Variants in IL1RAPL1 observed in about 807,000 individuals in gnomAD.
The protein encoded by IL1RAPL1 is interleukin 1 receptor accessory protein like 1.
A neutral mutation model predicts 48.4 loss-of-function variants in IL1RAPL1; 3 were observed. That is an observed-to-expected ratio of 0.06 (90% CI 0.03 to 0.16). The LOEUF is 0.16. Ranked by LOEUF, IL1RAPL1 falls within the 10% of genes least tolerant of loss-of-function variation. IL1RAPL1 has a pLI of 1.00. For synonymous variants in IL1RAPL1, 185 were observed against 187.7 expected (o/e 0.99, Z 0.12); for missense variants, 349 against 530.6 (o/e 0.66, Z 3.36).
At chrX:29,910,277 T>C (rs191749279) in intron 6 of IL1RAPL1, among the ~76,000 whole-genome samples, 1 of 110,629 alleles carries the variant, frequency 9.0e-6, no homozygotes, top group African/African-American at 3.3e-5. Context: ...ACCTACCAGA[T>C]ACCATGCTTA....
intron 6 of IL1RAPL1, among the ~76,000 whole-genome samples, chrX:29,736,821 GATT>G (rs1366393914): frequency 8.9e-6 from 1 of 112,266 alleles, no homozygotes; most frequent in Non-Finnish European, 1.9e-5. Context: ...TAAGTAGACT[GATT>G]ATTATATTAT....
At chrX:29,315,416 A>G in intron 3 of IL1RAPL1, among the ~76,000 whole-genome samples, 1 of 111,853 alleles carries the variant, frequency 8.9e-6, no homozygotes, top group South Asian at 3.8e-4. Flanking sequence ...CCAGAAAAAC[A>G]TGGAAAGACT....
intron 5 of IL1RAPL1, among the ~76,000 whole-genome samples, chrX:29,547,449 A>AT (rs1921661138): frequency 9.0e-6 from 1 of 111,307 alleles, no homozygotes; most frequent in Non-Finnish European, 1.9e-5. Flanking sequence ...AGAATAACTA[A>AT]TTTTTCAAAA....
chrX:29,052,013 C>G (rs779305025), intron 2 of IL1RAPL1, among the ~76,000 whole-genome samples: 2 of 111,956 alleles, frequency 1.8e-5, no homozygotes, highest in East Asian at 5.6e-4. Flanking sequence ...GAGTGAGACT[C>G]TATGGACACC....
At chrX:28,594,672 C>T (rs1467863942) in intron 1 of IL1RAPL1, among the ~76,000 whole-genome samples, 1 of 111,995 alleles carries the variant, frequency 8.9e-6, no homozygotes, top group Non-Finnish European at 1.9e-5. Flanking sequence ...TCCTGGCATA[C>T]AGCATTATTT....
intron 3 of IL1RAPL1, among the ~76,000 whole-genome samples, chrX:29,344,625 A>C (rs1022506500): frequency 9.0e-6 from 1 of 110,978 alleles, no homozygotes; most frequent in Non-Finnish European, 1.9e-5. Flanking sequence ...AGAGGTAACC[A>C]TGTTTTTTTT....
chrX:29,526,168 G>A (rs1935550545), intron 5 of IL1RAPL1, among the ~76,000 whole-genome samples: 3 of 111,805 alleles, frequency 2.7e-5, no homozygotes, highest in Non-Finnish European at 5.6e-5. Context: ...ATAATTAGGA[G>A]TCCGTTGAAC....
intron 1 of IL1RAPL1, among the ~76,000 whole-genome samples, chrX:28,711,050 G>A (rs1329994215): frequency 1.8e-5 from 2 of 111,894 alleles, no homozygotes; most frequent in African/African-American, 6.5e-5. Flanking sequence ...GGTGTGTTGA[G>A]AAATGCCCAA....
rs1241237232 is a variant in IL1RAPL1, at chrX:28,587,754, A to G, written c.-318A>G. 1.3e-4 allele frequency: 9 copies of G among 67,775 alleles called. No individual in the cohort carries two copies. The highest frequency in any genetic ancestry group is 6.9e-4 in the Admixed American group (4 of 5,794). 5.6% of individuals were successfully genotyped at this position (67,775 alleles called of 1,213,427 possible). A position where few individuals can be genotyped will look rare whatever the true frequency, so the allele number is the denominator to read the frequency against. On this transcript the variant is annotated 5_prime_UTR_variant, in exon 1 of 11. Transcript: ENST00000378993. ...CTATCTGCCTCTTCATTTTTCTCCT[A>G]GTCTGTTTTTTTTTTTCCTGCTCTG... is the stretch of plus-strand genomic sequence containing the variant.
Position 28,790,718 on chromosome X carries a change from A to G in IL1RAPL1, c.82+1293A>G, listed in dbSNP as rs749859769. 3.6e-5 allele frequency among the ~76,000 whole-genome samples: 4 copies of G among 112,532 alleles called. No homozygotes were observed. In the South Asian group the frequency reaches 1.5e-3, roughly 41 times the overall value. On this transcript the variant is annotated intron_variant, in intron 2 of 10. Coordinates refer to ENST00000378993, the MANE Select transcript of IL1RAPL1 (RefSeq NM_014271.4). ...CTCTTCTTCTCAGTGGATCTTCTGAATGAGATAAAACCCTAGGGCAGGATT... is the reference window on the plus strand; with the variant it reads ...CTCTTCTTCTCAGTGGATCTTCTGAGTGAGATAAAACCCTAGGGCAGGATT...
intron 1 of IL1RAPL1, among the ~76,000 whole-genome samples, chrX:28,623,126 T>C (rs1934301999): frequency 9.0e-6 from 1 of 111,039 alleles, no homozygotes; most frequent in African/African-American, 3.3e-5. Context: ...TCTCTCTATA[T>C]ATACCTTTGC....
chrX:28,854,351 C>T (rs1299760212), intron 2 of IL1RAPL1, among the ~76,000 whole-genome samples: 1 of 111,123 alleles, frequency 9.0e-6, no homozygotes, highest in African/African-American at 3.3e-5. Flanking sequence ...AATTGGACTT[C>T]AGGATGAAGG....
rs759332475 is a variant in IL1RAPL1 at position 29,182,868 on chromosome X, G to A, written c.83-100070G>A. Reference sequence around the variant, plus strand: ...CCAGGTGGACTCAGTGTATTCACAGGGTCTTTATAAGAGGGAGGCAGGAGA... The same window carrying A: ...CCAGGTGGACTCAGTGTATTCACAGAGTCTTTATAAGAGGGAGGCAGGAGA... On this transcript the variant is annotated intron_variant, in intron 2 of 10. Transcript: ENST00000378993. 6.3e-5 allele frequency among the ~76,000 whole-genome samples: 7 copies of A among 111,223 alleles called. No individual in the cohort carries two copies. The South Asian group carries it at 2.3e-3, about 36-fold the overall frequency.
rs1428452185 is a variant in IL1RAPL1 at position 29,556,760 on chromosome X, G to A, written c.704-111670G>A. Among the ~76,000 whole-genome samples the A allele has an allele frequency of 8.1e-5, 9 of 111,724 alleles. No homozygotes were observed. In the East Asian group the frequency reaches 2.5e-3, roughly 31 times the overall value. Reference sequence around the variant, plus strand: ...AAAGTGTAATAGGTTTGAGAAAAATGGCTTAATTTAAAATATGTATTTTCT... The same window carrying A: ...AAAGTGTAATAGGTTTGAGAAAAATAGCTTAATTTAAAATATGTATTTTCT... On this transcript the variant is annotated intron_variant, in intron 5 of 10. Transcript: ENST00000378993.
At chrX:29,015,366 A>G (rs938816246) in intron 2 of IL1RAPL1, among the ~76,000 whole-genome samples, 4 of 111,597 alleles carry the variant, frequency 3.6e-5, no homozygotes, top group African/African-American at 1.3e-4. Context: ...CATATTGGCC[A>G]TATTACTCTG....
intron 5 of IL1RAPL1, among the ~76,000 whole-genome samples, chrX:29,408,039 C>G (rs180794359): frequency 8.9e-6 from 1 of 111,865 alleles, no homozygotes; most frequent in East Asian, 2.8e-4. Flanking sequence ...CACATCCAGA[C>G]TACACTATAA....
chrX:29,828,904 A>T (rs1016133097), intron 6 of IL1RAPL1, among the ~76,000 whole-genome samples: 14 of 109,346 alleles, frequency 1.3e-4, no homozygotes, highest in Non-Finnish European at 2.7e-4. Flanking sequence ...CGGGGGGAAA[A>T]AAAGAGGAGG....
intron 2 of IL1RAPL1, among the ~76,000 whole-genome samples, chrX:29,008,844 C>T (rs769765034): frequency 9.0e-6 from 1 of 110,705 alleles, no homozygotes; most frequent in South Asian, 3.9e-4. Flanking sequence ...ACAATAGTCC[C>T]CAGTTTCTAT....
chrX:29,775,007 G>T, intron 6 of IL1RAPL1, among the ~76,000 whole-genome samples: 1 of 111,986 alleles, frequency 8.9e-6, no homozygotes, highest in African/African-American at 3.2e-5. Flanking sequence ...AAACAGAATT[G>T]CTGAGTGGGA....
Sources: allele counts gnomAD v4.1 joint callset (sites outside exome capture counted in the v4.1 genomes callset), GRCh38; gene constraint gnomAD v4.1.1; transcripts MANE v1.5; gene names NCBI Gene and HGNC (gene_info 2026-07-23, HGNC 2026-07-21).